LARS2: variants seen among roughly 807,000 people sequenced by gnomAD.
LARS2 encodes leucyl-tRNA synthetase 2, mitochondrial.
Under a neutral mutation model 116.6 loss-of-function variants are expected in LARS2, and 81 were observed. The observed-to-expected ratio is 0.69, with a 90% CI of 0.58 to 0.84. The LOEUF (loss-of-function observed/expected upper bound fraction) is 0.84. Ranked by LOEUF, LARS2 falls within the 40% of genes least tolerant of loss-of-function variation. LARS2 has a pLI of 0.00. For synonymous variants in LARS2, 396 were observed against 407.2 expected (o/e 0.97, Z 0.33); for missense variants, 968 against 1,114.5 (o/e 0.87, Z 1.87).
intron 2 of LARS2, among the ~76,000 whole-genome samples, chr3:45,394,032 C>T (rs565624366): frequency 3.9e-5 from 6 of 152,322 alleles, no homozygotes; most frequent in East Asian, 1.9e-4. Flanking sequence ...TTGAGCCTAA[C>T]GCCAACTCAG....
chr3:45,405,263 G>A (rs1040228911), intron 4 of LARS2, among the ~76,000 whole-genome samples: 39 of 152,086 alleles, frequency 2.6e-4, no homozygotes, highest in Non-Finnish European at 4.6e-4. Context: ...CATCATGTCA[G>A]GTTTTTAATG....
chr3:45,512,252 C>A (rs968823123), intron 15 of LARS2, among the ~76,000 whole-genome samples: 6 of 152,290 alleles, frequency 3.9e-5, no homozygotes, highest in Admixed American at 3.9e-4. Flanking sequence ...CTACCTGATA[C>A]CCTGAACACG....
chr3:45,519,001 T>A (rs1215822189), intron 18 of LARS2, among the ~76,000 whole-genome samples: 2 of 152,146 alleles, frequency 1.3e-5, no homozygotes, highest in East Asian at 3.8e-4. Flanking sequence ...ATACCACATA[T>A]TTTCTCCCTG....
intron 21 of LARS2, among the ~76,000 whole-genome samples, chr3:45,545,232 G>C (rs887150656): frequency 2.6e-5 from 4 of 152,224 alleles, no homozygotes; most frequent in Admixed American, 2.6e-4. Flanking sequence ...ATGGAAGCTT[G>C]TACTGTTATT....
chr3:45,485,834 T>C (rs1699799951), intron 11 of LARS2, 38 bp downstream of exon 11: 1 of 1,349,914 alleles, frequency 7.4e-7, no homozygotes, highest in Admixed American at 1.9e-5. Flanking sequence ...ACGGTATATT[T>C]TGCAGATTTA....
chr3:45,430,061 G>C (rs1698669238), intron 6 of LARS2, among the ~76,000 whole-genome samples: 1 of 129,784 alleles, frequency 7.7e-6, no homozygotes, highest in Non-Finnish European at 1.6e-5. Flanking sequence ...GCCCAGGCTG[G>C]AGTGTAGTGG....
chr3:45,474,701 A>G (rs973979570), intron 9 of LARS2, among the ~76,000 whole-genome samples: 2 of 152,222 alleles, frequency 1.3e-5, no homozygotes, highest in African/African-American at 4.8e-5. Flanking sequence ...TCATAGCCAC[A>G]TATTGCTACT....
At chr3:45,403,130 A>AAAAAAT (rs1456792064) in intron 4 of LARS2, among the ~76,000 whole-genome samples, 1 of 150,300 alleles carries the variant, frequency 6.7e-6, no homozygotes, top group Admixed American at 6.6e-5. Context: ...AAAAAAAAAA[A>AAAAAAT]AGAAAGATGT....
rs558160705 is a variant in LARS2, at chr3:45,417,428, C to T, written c.364-54C>T. ...GCTGAGTTTGCCCCAGAAGACAATACCAATGGAGTTATTAATGATTTGCCA... is the reference window on the plus strand; with the variant it reads ...GCTGAGTTTGCCCCAGAAGACAATATCAATGGAGTTATTAATGATTTGCCA... On this transcript the variant is annotated intron_variant, in intron 4 of 21. Coordinates refer to ENST00000645846, the MANE Select transcript of LARS2 (RefSeq NM_015340.4). 841 of 1,317,130 alleles carry T rather than the reference C, an allele frequency of 6.4e-4. 1 individual carries two copies. The highest frequency in any genetic ancestry group is 8.7e-4 in the Non-Finnish European group (792 of 910,256). The allele number at this position is 1,317,130 out of a possible 1,614,324, so 81.6% of individuals were successfully genotyped here.
intron 20 of LARS2, among the ~76,000 whole-genome samples, chr3:45,525,787 G>A (rs1700522434): frequency 6.6e-6 from 1 of 152,204 alleles, no homozygotes; most frequent in South Asian, 2.1e-4. Context: ...AGAGGCCTGG[G>A]TTGAGTGTAC....
At chr3:45,511,054 G>A (rs1238077599) in intron 15 of LARS2, among the ~76,000 whole-genome samples, 6 of 152,168 alleles carry the variant, frequency 3.9e-5, no homozygotes, top group African/African-American at 1.2e-4. Flanking sequence ...TGCTGCTGTC[G>A]ATGAATGGTG....
chr3:45,434,648 A>G (rs1452765253), intron 6 of LARS2, among the ~76,000 whole-genome samples: 3 of 152,214 alleles, frequency 2.0e-5, no homozygotes, highest in Admixed American at 6.5e-5. Context: ...ATGATTTTCT[A>G]TTGAAACCGA....
At chr3:45,447,973 G>A (rs1005275944) in intron 7 of LARS2, among the ~76,000 whole-genome samples, 4 of 152,118 alleles carry the variant, frequency 2.6e-5, no homozygotes, top group African/African-American at 9.7e-5. Flanking sequence ...TCAGAGCTGG[G>A]ACAGTGGCTC....
intron 6 of LARS2, among the ~76,000 whole-genome samples, chr3:45,422,922 G>A (rs1698538489): frequency 6.6e-6 from 1 of 152,152 alleles, no homozygotes; most frequent in South Asian, 2.1e-4. Flanking sequence ...TGTTTAATAG[G>A]AAAGTGAAAA....
chr3:45,545,254 G>A (rs895968731), intron 21 of LARS2, among the ~76,000 whole-genome samples: 1 of 152,210 alleles, frequency 6.6e-6, no homozygotes, highest in Non-Finnish European at 1.5e-5. Context: ...GCCATCGCAA[G>A]GCTACCCTCA....
At chr3:45,476,343 C>A in intron 9 of LARS2, 125 bp from the exon 10 acceptor site, 1 of 979,364 alleles carries the variant, frequency 1.0e-6, no homozygotes, top group Non-Finnish European at 1.6e-6. Context: ...CACCCCTGGC[C>A]CAGTGGTCAG....
intron 4 of LARS2, among the ~76,000 whole-genome samples, chr3:45,411,152 T>C (rs1698323978): frequency 6.6e-6 from 1 of 152,238 alleles, no homozygotes; most frequent in African/African-American, 2.4e-5. Flanking sequence ...AGTATGCCTG[T>C]CAGTCCAGCT....
chr3:45,423,660 A>G (rs1030876529), intron 6 of LARS2, among the ~76,000 whole-genome samples: 1 of 152,228 alleles, frequency 6.6e-6, no homozygotes, highest in Admixed American at 6.5e-5. Flanking sequence ...TCATATTCAT[A>G]GCAATTATTT....
chr3:45,475,627 T>G (rs549817303), intron 9 of LARS2, among the ~76,000 whole-genome samples: 79 of 152,318 alleles, frequency 5.2e-4, no homozygotes, highest in African/African-American at 1.9e-3. Flanking sequence ...TGCCCAACAT[T>G]TTACTGTGAA....
Sources: allele counts gnomAD v4.1 joint callset (sites outside exome capture counted in the v4.1 genomes callset), GRCh38; gene constraint gnomAD v4.1.1; transcripts MANE v1.5; gene names NCBI Gene and HGNC (gene_info 2026-07-23, HGNC 2026-07-21).